The following SLC44A5 variants were observed in gnomAD, a reference collection of about 807,000 sequenced individuals.
SLC44A5 encodes solute carrier family 44 member 5, also known as choline transporter-like protein 5.
SLC44A5 carries 57 observed loss-of-function variants against 101.8 expected under a neutral mutation model. The ratio of observed to expected loss-of-function variants is 0.56; its 90% CI spans 0.45 to 0.70. The LOEUF (loss-of-function observed/expected upper bound fraction) is 0.70. Among genes scored for constraint, SLC44A5 ranks in the 30% least tolerant of loss-of-function variants. The probability of loss-of-function intolerance (pLI) is 0.00; values close to 1 mark genes in which losing one functional copy is unlikely to be tolerated. For synonymous variants in SLC44A5, 281 were observed against 290.9 expected (o/e 0.97, Z 0.35); for missense variants, 737 against 853.1 (o/e 0.86, Z 1.70).
chr1:75,548,186 A>T (rs954176007), intron 1 of SLC44A5, among the ~76,000 whole-genome samples: 1 of 152,182 alleles, frequency 6.6e-6, no homozygotes, highest in Non-Finnish European at 1.5e-5. Context: ...ATTATGTTTC[A>T]TTACACAGTG....
chr1:75,715,165 A>G, the SLC44A5 span, among the ~76,000 whole-genome samples: 1 of 152,210 alleles, frequency 6.6e-6, no homozygotes, highest in Non-Finnish European at 1.5e-5. Flanking sequence ...AAATAGAAAA[A>G]CATTCCATGC....
chr1:75,318,609 C>G (rs1250011269), intron 4 of SLC44A5, among the ~76,000 whole-genome samples: 1 of 152,120 alleles, frequency 6.6e-6, no homozygotes, highest in Admixed American at 6.5e-5. Context: ...GATTCATGTC[C>G]TTGAATCTTG....
At chr1:75,439,047 A>G (rs1665046119) in intron 2 of SLC44A5, among the ~76,000 whole-genome samples, 1 of 152,130 alleles carries the variant, frequency 6.6e-6, no homozygotes. Context: ...CCAGTGCTTC[A>G]GCACTGGAAG....
chr1:75,384,017 GTC>G (rs1320568999), intron 3 of SLC44A5, among the ~76,000 whole-genome samples: 2 of 151,402 alleles, frequency 1.3e-5, no homozygotes, highest in East Asian at 3.9e-4. Context: ...GAGAGATTTT[GTC>G]ACCACCAGGC....
chr1:75,324,006 A>G (rs1362939697), intron 4 of SLC44A5, among the ~76,000 whole-genome samples: 2 of 152,204 alleles, frequency 1.3e-5, no homozygotes, highest in African/African-American at 2.4e-5. Context: ...TAAGCAGAAC[A>G]TTTTCATTTC....
At chr1:75,669,080 C>A in the SLC44A5 span, among the ~76,000 whole-genome samples, 39,902 of 151,422 alleles carry the variant, frequency 0.26, 6,658 homozygotes, top group East Asian at 0.68. Flanking sequence ...GAGACACAAT[C>A]TTTTCAATTA....
At chr1:75,238,459 C>A in intron 10 of SLC44A5, 54 bp downstream of exon 10, 1 of 1,463,500 alleles carries the variant, frequency 6.8e-7, no homozygotes, top group Non-Finnish European at 9.1e-7. Context: ...GCTTTAGTCT[C>A]GAGTGCAATA....
At chr1:75,386,633 T>C in intron 3 of SLC44A5, among the ~76,000 whole-genome samples, 2 of 152,078 alleles carry the variant, frequency 1.3e-5, no homozygotes, top group Non-Finnish European at 2.9e-5. Flanking sequence ...GGCCATACTG[T>C]CCAAGGTAAT....
At chr1:75,709,471 T>G in the SLC44A5 span, among the ~76,000 whole-genome samples, 1 of 152,240 alleles carries the variant, frequency 6.6e-6, no homozygotes, top group Non-Finnish European at 1.5e-5. Context: ...CCAAGAATTT[T>G]TAACTATCTG....
chr1:75,565,462 C>T (rs935936621), intron 1 of SLC44A5, among the ~76,000 whole-genome samples: 61 of 152,164 alleles, frequency 4.0e-4, no homozygotes, highest in African/African-American at 1.3e-3. Context: ...TGTATCCTCA[C>T]GTATGGTAAC....
chr1:75,631,829 G>A, the SLC44A5 span, among the ~76,000 whole-genome samples: 255 of 151,922 alleles, frequency 1.7e-3, no homozygotes, highest in Middle Eastern at 3.4e-3. Flanking sequence ...GAGCCACTGC[G>A]CCCAGCCAAT....
chr1:75,651,108 T>C, the SLC44A5 span, among the ~76,000 whole-genome samples: 20 of 152,332 alleles, frequency 1.3e-4, no homozygotes, highest in African/African-American at 4.6e-4. Context: ...ATAAATTGAA[T>C]GACCTAGAAC....
At chr1:75,439,629 GAAAT>G (rs1449278762) in intron 2 of SLC44A5, among the ~76,000 whole-genome samples, 14 of 151,964 alleles carry the variant, frequency 9.2e-5, no homozygotes, top group Admixed American at 7.2e-4. Flanking sequence ...CTAGAAGACA[GAAAT>G]AAATAGATAA....
chr1:75,689,277 C>A, the SLC44A5 span, among the ~76,000 whole-genome samples: 1 of 151,744 alleles, frequency 6.6e-6, no homozygotes, highest in South Asian at 2.1e-4. Flanking sequence ...CCATTCAAGT[C>A]CTAAACTTCC....
chr1:75,415,226 G>A lies in SLC44A5; in HGVS notation c.14-18605C>T, dbSNP rs369673697. Among the ~76,000 whole-genome samples, 32 of 152,308 alleles carry A rather than the reference G, an allele frequency of 2.1e-4. No homozygotes were observed. The East Asian group carries it at 2.7e-3, about 13-fold the overall frequency. Reference sequence around the variant, plus strand: ...CTCCCATAATTCCCACGTGTTGTGGGAGGGACCTGGTGGGAGATGACTGAA... The same window carrying A: ...CTCCCATAATTCCCACGTGTTGTGGAAGGGACCTGGTGGGAGATGACTGAA... On this transcript the variant is annotated intron_variant, in intron 2 of 23. Coordinates refer to ENST00000370859, the MANE Select transcript of SLC44A5 (RefSeq NM_001130058.2).
intron 2 of SLC44A5, among the ~76,000 whole-genome samples, chr1:75,474,027 G>A (rs1184631098): frequency 1.3e-5 from 2 of 152,084 alleles, no homozygotes; most frequent in Non-Finnish European, 2.9e-5. Context: ...GACTTGCTTT[G>A]TTTCTTCAAA....
chr1:75,226,805 C>A (rs584901), intron 13 of SLC44A5, among the ~76,000 whole-genome samples: 148,818 of 152,242 alleles, frequency 0.98, 72,776 homozygotes, highest in East Asian at 1. Flanking sequence ...AGGAGTATTA[C>A]AATAACACCA....
intron 2 of SLC44A5, among the ~76,000 whole-genome samples, chr1:75,516,608 G>T (rs7542976): frequency 2.6e-5 from 4 of 151,998 alleles, no homozygotes; most frequent in South Asian, 4.1e-4. Context: ...TTTATATTAA[G>T]GGAATAAATA....
At chr1:75,391,930 G>A (rs1186793047) in intron 3 of SLC44A5, among the ~76,000 whole-genome samples, 1 of 152,142 alleles carries the variant, frequency 6.6e-6, no homozygotes, top group Non-Finnish European at 1.5e-5. Context: ...AAGATGGGTG[G>A]ATTGCTTGAG....
Sources: allele counts gnomAD v4.1 joint callset (sites outside exome capture counted in the v4.1 genomes callset), GRCh38; gene constraint gnomAD v4.1.1; transcripts MANE v1.5; gene names NCBI Gene and HGNC (gene_info 2026-07-23, HGNC 2026-07-21).